ADAM10: variants seen among roughly 807,000 people sequenced by gnomAD.
The protein encoded by ADAM10 is ADAM metallopeptidase domain 10, also known as disintegrin and metalloproteinase domain-containing protein 10.
ADAM10 carries 17 observed loss-of-function variants against 90.1 expected under a neutral mutation model. The ratio of observed to expected loss-of-function variants is 0.19; its 90% CI spans 0.13 to 0.28. The LOEUF (loss-of-function observed/expected upper bound fraction) is 0.28. Ranked by LOEUF, ADAM10 falls within the 10% of genes least tolerant of loss-of-function variation. ADAM10 has a pLI of 1.00. For missense variants in ADAM10, 610 were observed against 914.3 expected (o/e 0.67, Z 4.29); for synonymous variants, 310 against 298.6 (o/e 1.04, Z -0.40).
intron 2 of ADAM10, among the ~76,000 whole-genome samples, chr15:58,684,160 T>TG (rs1245137317): frequency 6.6e-6 from 1 of 152,180 alleles, no homozygotes; most frequent in Non-Finnish European, 1.5e-5. Flanking sequence ...AAAGTGTACA[T>TG]GTTCAGTACA....
chr15:58,718,846 T>C (rs899185804), intron 1 of ADAM10, among the ~76,000 whole-genome samples: 9 of 152,182 alleles, frequency 5.9e-5, no homozygotes, highest in African/African-American at 1.9e-4. Flanking sequence ...TCCAGCCACT[T>C]TGGTCTCCCC....
At chr15:58,610,749 G>C (rs1274319871) in intron 13 of ADAM10, 1 of 637,530 alleles carries the variant, frequency 1.6e-6, no homozygotes, top group African/African-American at 1.8e-5. Context: ...ATGACTTAAA[G>C]TCTAACAGTG....
chr15:58,687,171 T>C (rs1440849239), intron 2 of ADAM10, among the ~76,000 whole-genome samples: 24 of 152,202 alleles, frequency 1.6e-4, no homozygotes, highest in Admixed American at 2.0e-4. Context: ...TTTTTCTAAA[T>C]GGGAAGATTG....
At chr15:58,707,553 T>A (rs1472878191) in intron 2 of ADAM10, among the ~76,000 whole-genome samples, 1 of 152,080 alleles carries the variant, frequency 6.6e-6, no homozygotes, top group African/African-American at 2.4e-5. Context: ...AATGAGTAAC[T>A]TCATCCTATG....
intron 2 of ADAM10, chr15:58,692,867 C>T (rs1566998403): frequency 1.5e-6 from 1 of 674,436 alleles, no homozygotes; most frequent in Non-Finnish European, 2.8e-6. Flanking sequence ...ATAAATGCTT[C>T]AGTACCAGAC....
intron 11 of ADAM10, among the ~76,000 whole-genome samples, chr15:58,619,736 C>G (rs1386359386): frequency 2.0e-5 from 3 of 151,990 alleles, no homozygotes; most frequent in Non-Finnish European, 4.4e-5. Flanking sequence ...AAGCCCATCT[C>G]TACTAAAAAT....
At chr15:58,692,076 T>C (rs750817063) in intron 2 of ADAM10, 3 of 476,238 alleles carry the variant, frequency 6.3e-6, no homozygotes, top group Admixed American at 2.3e-5. Context: ...GAGTCAACCA[T>C]ACCACGGACA....
At chr15:58,742,030 T>C (rs1271461074) in intron 1 of ADAM10, among the ~76,000 whole-genome samples, 1 of 152,206 alleles carries the variant, frequency 6.6e-6, no homozygotes, top group Non-Finnish European at 1.5e-5. Context: ...CAAATCCTCA[T>C]TTCAGGTGCA....
At chr15:58,700,596 TTTAC>T in intron 2 of ADAM10, among the ~76,000 whole-genome samples, 1 of 151,914 alleles carries the variant, frequency 6.6e-6, no homozygotes, top group Non-Finnish European at 1.5e-5. Context: ...TACAGGGAAA[TTTAC>T]AGCAATAAAT....
chr15:58,640,783 G>T lies in ADAM10; in HGVS notation c.1006C>A (p.Pro336Thr), dbSNP rs1229299968. The T allele has an allele frequency of 1.2e-6, 2 of 1,613,840 alleles. No homozygotes were observed. Among genetic ancestry groups the T allele is most frequent in the Non-Finnish European group, 1.7e-6 (2 of 1,179,904 alleles). The change falls in exon 8 of 16, where the codon CCT becomes ACT. Residue 336 changes from proline (P) to threonine (T), a missense_variant. This residue lies in a region of ADAM10 where 97 missense variants were observed against 221.4 expected (regional missense o/e 0.44). Transcript: ENST00000260408. Reference sequence around the variant, plus strand: ...ATTTAATATGATAAACTACCTGAAGGTGCTCCAACCCAAGCCAGACCAAGT... The same window carrying T: ...ATTTAATATGATAAACTACCTGAAGTTGCTCCAACCCAAGCCAGACCAAGT... ...GVLGLAWVGA[P>T]SGSSGGICEK... is the part of the protein sequence containing the mutation.
rs190966454 is a variant in ADAM10, at chr15:58,671,530, T to A, written c.485-6333A>T. On this transcript the variant is annotated intron_variant, in intron 4 of 15. Coordinates refer to ENST00000260408, the MANE Select transcript of ADAM10 (RefSeq NM_001110.4). Reference sequence around the variant, plus strand: ...TATCTCTAGGACATACACGCACACATACTCCTAAATGCTATTTCTTCTAGT... The same window carrying A: ...TATCTCTAGGACATACACGCACACAAACTCCTAAATGCTATTTCTTCTAGT... Among the ~76,000 whole-genome samples, 21 of 152,306 alleles carry A rather than the reference T, an allele frequency of 1.4e-4. No individual in the cohort carries two copies. The East Asian group carries it at 4.1e-3, about 29-fold the overall frequency.
At position 58,597,171 on chromosome 15, in the gene ADAM10, T is replaced by A. The variant is rs1429212317; in HGVS notation, c.*376A>T. 3.8e-6 allele frequency: 2 copies of A among 532,672 alleles called. No individual in the cohort carries two copies. Among genetic ancestry groups the A allele is most frequent in the African/African-American group, 1.9e-5 (1 of 52,608 alleles). 33.0% of individuals were successfully genotyped at this position (532,672 alleles called of 1,614,324 possible). On this transcript the variant is annotated 3_prime_UTR_variant, in exon 16 of 16. Transcript: ENST00000260408. ...GAGCCTCCTAGCCTTGATTGGCAGTTGAAAAAAATATATTTATTTCAATTT... is the reference window on the plus strand; with the variant it reads ...GAGCCTCCTAGCCTTGATTGGCAGTAGAAAAAAATATATTTATTTCAATTT...
At chr15:58,685,951 T>C (rs1201596141) in intron 2 of ADAM10, among the ~76,000 whole-genome samples, 2 of 152,132 alleles carry the variant, frequency 1.3e-5, no homozygotes, top group African/African-American at 4.8e-5. Context: ...GGAGAAACCA[T>C]TACTGGACTT....
intron 2 of ADAM10, chr15:58,691,769 G>A (rs987379201): frequency 4.0e-5 from 13 of 328,104 alleles, no homozygotes; most frequent in East Asian, 8.4e-5. Context: ...TGCAACTTCC[G>A]CCTCCCAGGT....
chr15:58,731,874 AG>A (rs1899257618), intron 1 of ADAM10, among the ~76,000 whole-genome samples: 2 of 152,268 alleles, frequency 1.3e-5, no homozygotes, highest in South Asian at 2.1e-4. Flanking sequence ...TAGCTGGACA[AG>A]GGGAACATTC....
At chr15:58,701,279 T>C (rs1271942954) in intron 2 of ADAM10, among the ~76,000 whole-genome samples, 1 of 151,788 alleles carries the variant, frequency 6.6e-6, no homozygotes, top group African/African-American at 2.4e-5. Context: ...GCAAAGGACA[T>C]GAACAGACAT....
Position 58,618,075 on chromosome 15 carries a change from T to C in ADAM10, c.1511+3396A>G, listed in dbSNP as rs369314809. Among the ~76,000 whole-genome samples the C allele has an allele frequency of 1.8e-4, 27 of 151,808 alleles. No individual in the cohort carries two copies. The South Asian group carries it at 2.3e-3, about 13-fold the overall frequency. ...AGTCATATGAAACCACAGAAGCCAATAGCCAAAAGAATAAAGCTGGAGGCA... is the reference window on the plus strand; with the variant it reads ...AGTCATATGAAACCACAGAAGCCAACAGCCAAAAGAATAAAGCTGGAGGCA... On this transcript the variant is annotated intron_variant, in intron 11 of 15. Coordinates refer to ENST00000260408, the MANE Select transcript of ADAM10 (RefSeq NM_001110.4).
chr15:58,598,082 C>A (rs1227248134), intron 15 of ADAM10, among the ~76,000 whole-genome samples: 1 of 152,154 alleles, frequency 6.6e-6, no homozygotes, highest in Non-Finnish European at 1.5e-5. Context: ...TACTAAGTGT[C>A]TTTGAGCAAA....
intron 8 of ADAM10, among the ~76,000 whole-genome samples, chr15:58,636,362 T>C (rs1896251477): frequency 6.6e-6 from 1 of 151,842 alleles, no homozygotes; most frequent in Non-Finnish European, 1.5e-5. Context: ...AGAAATAAAA[T>C]ACTATTTGTA....
Sources: allele counts gnomAD v4.1 joint callset (sites outside exome capture counted in the v4.1 genomes callset), GRCh38; gene constraint gnomAD v4.1.1; regional missense constraint gnomAD v4.1.1; transcripts MANE v1.5; gene names NCBI Gene and HGNC (gene_info 2026-07-23, HGNC 2026-07-21).